PDE7B: variants seen among roughly 807,000 people sequenced by gnomAD.
PDE7B encodes the protein 3',5'-cyclic-AMP phosphodiesterase 7B.
PDE7B carries 29 observed loss-of-function variants against 56.2 expected under a neutral mutation model. The observed-to-expected ratio is 0.52, with a 90% CI of 0.38 to 0.70. PDE7B has a LOEUF of 0.70. Ranked by LOEUF, PDE7B falls within the 30% of genes least tolerant of loss-of-function variation. PDE7B has a pLI of 0.00. For synonymous variants in PDE7B, 197 were observed against 196.9 expected (o/e 1.00, Z 0.00); for missense variants, 490 against 565.0 (o/e 0.87, Z 1.35).
intron 2 of PDE7B, among the ~76,000 whole-genome samples, chr6:136,083,626 T>C (rs1222183268): frequency 6.6e-6 from 1 of 152,200 alleles, no homozygotes; most frequent in African/African-American, 2.4e-5. Flanking sequence ...GCAAACCCAA[T>C]GGTTTGGAAA....
At chr6:136,142,069 C>T (rs1778336302) in intron 3 of PDE7B, among the ~76,000 whole-genome samples, 1 of 152,164 alleles carries the variant, frequency 6.6e-6, no homozygotes, top group Non-Finnish European at 1.5e-5. Context: ...TTAGATCTTT[C>T]CTGCTTTCTC....
chr6:136,189,638 A>G (rs1344246657), intron 12 of PDE7B, among the ~76,000 whole-genome samples: 2 of 152,194 alleles, frequency 1.3e-5, no homozygotes, highest in Admixed American at 6.5e-5. Flanking sequence ...GGTGAAATCT[A>G]TAGAAGGCTA....
At chr6:135,893,489 T>C (rs1583745985) in intron 1 of PDE7B, among the ~76,000 whole-genome samples, 1 of 152,070 alleles carries the variant, frequency 6.6e-6, no homozygotes, top group South Asian at 2.1e-4. Flanking sequence ...TTGGGTTGGT[T>C]CCAAGTCTTT....
chr6:136,137,268 T>C (rs1454646487), intron 3 of PDE7B, among the ~76,000 whole-genome samples: 1 of 149,838 alleles, frequency 6.7e-6, no homozygotes, highest in Non-Finnish European at 1.5e-5. Flanking sequence ...GACTGTCACT[T>C]AAAAAAAAAA....
intron 1 of PDE7B, among the ~76,000 whole-genome samples, chr6:135,939,166 G>A (rs912306585): frequency 2.0e-5 from 3 of 152,198 alleles, no homozygotes; most frequent in African/African-American, 7.2e-5. Context: ...CCTAATTAGA[G>A]GTTTATAAGG....
intron 3 of PDE7B, among the ~76,000 whole-genome samples, chr6:136,123,347 C>G (rs1019661984): frequency 6.6e-6 from 1 of 152,130 alleles, no homozygotes; most frequent in Non-Finnish European, 1.5e-5. Flanking sequence ...CTTATTTTCT[C>G]TATCACAATT....
intron 2 of PDE7B, chr6:136,038,077 G>A: frequency 7.5e-7 from 1 of 1,337,828 alleles, no homozygotes; most frequent in Non-Finnish European, 9.9e-7. Context: ...TGGAGGGCCT[G>A]AAGAGACAGG....
rs900108740 is a variant in PDE7B at position 136,192,269 on chromosome 6, T to C, written c.*429T>C. 1 of 168,700 alleles carries C rather than the reference T, an allele frequency of 5.9e-6. No individual in the cohort carries two copies. Among genetic ancestry groups the C allele is most frequent in the African/African-American group, 2.4e-5 (1 of 41,888 alleles). The allele number at this position is 168,700 out of a possible 1,614,324, so 10.5% of individuals were successfully genotyped here. ...ACCAGCATATTTGCAACGCCAAGGA[T>C]ATTGGTCTTAAGTGCAAGAGCACAA... On this transcript the variant is annotated 3_prime_UTR_variant, in exon 13 of 13. Coordinates refer to ENST00000308191, the MANE Select transcript of PDE7B (RefSeq NM_018945.4).
At chr6:135,880,289 T>C (rs895187069) in intron 1 of PDE7B, among the ~76,000 whole-genome samples, 4 of 152,200 alleles carry the variant, frequency 2.6e-5, no homozygotes, top group Admixed American at 6.5e-5. Flanking sequence ...AAGTCTCCGC[T>C]TGGGGCCATG....
intron 2 of PDE7B, among the ~76,000 whole-genome samples, chr6:136,084,183 C>T (rs1777251050): frequency 6.6e-6 from 1 of 152,206 alleles, no homozygotes; most frequent in Non-Finnish European, 1.5e-5. Flanking sequence ...AGAAGCCCCA[C>T]AACCCTCTGA....
intron 2 of PDE7B, among the ~76,000 whole-genome samples, chr6:136,069,426 C>T (rs1010097493): frequency 2.0e-5 from 3 of 152,180 alleles, no homozygotes; most frequent in Non-Finnish European, 4.4e-5. Context: ...GTGAATGCAT[C>T]CTCCATCAAC....
chr6:136,158,763 G>T (rs762647462), intron 8 of PDE7B, among the ~76,000 whole-genome samples: 2 of 152,160 alleles, frequency 1.3e-5, no homozygotes, highest in African/African-American at 2.4e-5. Flanking sequence ...CAGACTGGAA[G>T]CAGTCCAGGT....
At chr6:135,992,300 G>A (rs1182097911) in intron 2 of PDE7B, among the ~76,000 whole-genome samples, 2 of 152,022 alleles carry the variant, frequency 1.3e-5, no homozygotes, top group Non-Finnish European at 2.9e-5. Flanking sequence ...GTCCTGGGCT[G>A]CATGCAGCCC....
chr6:135,866,801 A>G (rs913926106), intron 1 of PDE7B, among the ~76,000 whole-genome samples: 1 of 152,216 alleles, frequency 6.6e-6, no homozygotes, highest in African/African-American at 2.4e-5. Context: ...ATAAAAGATT[A>G]TTTCCAGGAC....
At chr6:135,930,385 A>G (rs1774273692) in intron 1 of PDE7B, among the ~76,000 whole-genome samples, 1 of 152,150 alleles carries the variant, frequency 6.6e-6, no homozygotes, top group Non-Finnish European at 1.5e-5. Context: ...AAACTATATC[A>G]CCATGGAAGG....
chr6:136,000,025 CTT>C (rs1489143947), intron 2 of PDE7B, among the ~76,000 whole-genome samples: 1 of 152,070 alleles, frequency 6.6e-6, no homozygotes, highest in Non-Finnish European at 1.5e-5. Flanking sequence ...TGATTTTAAG[CTT>C]TTTGGCCACA....
intron 6 of PDE7B, 32 bp downstream of exon 6, chr6:136,151,287 T>G (rs770286300): frequency 1.8e-6 from 2 of 1,122,174 alleles, no homozygotes; most frequent in South Asian, 2.5e-5. Flanking sequence ...TCTAGCCCCA[T>G]TCTCTTGAAT....
chr6:136,144,978 A>G (rs973536963), intron 3 of PDE7B, among the ~76,000 whole-genome samples: 4 of 152,094 alleles, frequency 2.6e-5, no homozygotes, highest in African/African-American at 9.7e-5. Flanking sequence ...TCTCCAATTA[A>G]TAAGTCTTCT....
intron 2 of PDE7B, among the ~76,000 whole-genome samples, chr6:136,080,803 T>C (rs954454874): frequency 6.6e-6 from 1 of 152,154 alleles, no homozygotes; most frequent in African/African-American, 2.4e-5. Flanking sequence ...ATGGCTCCTG[T>C]CCTTAAGGAG....
Sources: gnomAD v4.1 joint callset for allele counts (sites outside exome capture counted in the v4.1 genomes callset) on GRCh38, gnomAD v4.1.1 for gene constraint, MANE v1.5 for transcripts, NCBI Gene and HGNC (gene_info 2026-07-23, HGNC 2026-07-21) for gene names.